OTOG: variants seen among roughly 807,000 people sequenced by gnomAD.
OTOG encodes the protein otogelin.
Under a neutral mutation model 313.8 loss-of-function variants are expected in OTOG, and 296 were observed. That is an observed-to-expected ratio of 0.94 (90% confidence interval 0.86 to 1.04). The LOEUF is 1.04. Ranked by LOEUF, OTOG falls within the 50% of genes least tolerant of loss-of-function variation. OTOG has a pLI of 0.00. For missense variants in OTOG, 3,948 were observed against 3,840.1 expected, an observed-to-expected ratio of 1.03 and a Z score of -0.74; for synonymous variants, 1,533 against 1,554.9, an observed-to-expected ratio of 0.99 and a Z score of 0.33.
At chr11:17,609,283 C>T (rs1325368595) in intron 35 of OTOG, 74 bp downstream of exon 35, 7 of 1,341,556 alleles carry the variant, frequency 5.2e-6, no homozygotes, top group Non-Finnish European at 7.3e-6. Context: ...GCAGTCATGC[C>T]TCAAAGCTCC....
chr11:17,587,004 G>T (rs1852809715), intron 24 of OTOG, among the ~76,000 whole-genome samples: 1 of 152,206 alleles, frequency 6.6e-6, no homozygotes, highest in Non-Finnish European at 1.5e-5. Context: ...TATGTAGACA[G>T]GTGTGTTTAT....
intron 40 of OTOG, 42 bp from the exon 41 acceptor site, chr11:17,631,660 T>C: frequency 6.8e-7 from 1 of 1,462,956 alleles, no homozygotes; most frequent in Non-Finnish European, 9.3e-7. Context: ...ATGGGAGTGG[T>C]AGTGATGATC....
At position 17,611,302 on chromosome 11, in the gene OTOG, A is replaced by C. The variant is rs1356037218; in HGVS notation, c.6002A>C (p.Glu2001Ala). Residue 2001 changes from glutamate to alanine, a missense_variant, in exon 36 of 56, where the codon GAG (glutamate) becomes GCG (alanine). By Grantham distance (107) the Glu-to-Ala change is moderately radical. Coordinates refer to ENST00000399397, the MANE Select transcript of OTOG (RefSeq NM_001292063.2). ...GTSAGPHLAA[E>A]PVDEATTEPS... The stretch of plus-strand genomic sequence containing the variant: ...TCGGCAGGGCCTCACCTGGCAGCAG[A>C]GCCGGTGGACGAGGCCACCACAGAA... The C allele has an allele frequency of 6.4e-7, 1 of 1,550,490 alleles. No homozygotes were observed. Among genetic ancestry groups the C allele is most frequent in the East Asian group, 2.4e-5 (1 of 40,882 alleles).
chr11:17,576,705 G>A (rs1852535895), intron 21 of OTOG, 75 bp downstream of exon 21: 1 of 1,470,444 alleles, frequency 6.8e-7, no homozygotes, highest in Non-Finnish European at 9.3e-7. Flanking sequence ...TGCAGCTGAT[G>A]GAACTTTCTG....
intron 44 of OTOG, 140 bp downstream of exon 44, chr11:17,634,421 G>A: frequency 1.1e-6 from 1 of 949,386 alleles, no homozygotes. Flanking sequence ...GAGGAGGGGA[G>A]AACCCTCCCT....
At chr11:17,631,126 C>T (rs1394478999) in intron 40 of OTOG, among the ~76,000 whole-genome samples, 1 of 152,118 alleles carries the variant, frequency 6.6e-6, no homozygotes, top group Non-Finnish European at 1.5e-5. Context: ...GGGACTCAAT[C>T]GGATGATCTC....
chr11:17,622,364 G>C (rs1430353335), intron 39 of OTOG, among the ~76,000 whole-genome samples: 1 of 152,026 alleles, frequency 6.6e-6, no homozygotes, highest in Non-Finnish European at 1.5e-5. Flanking sequence ...TTTATCCTTT[G>C]TGTTACGAAC....
chr11:17,639,544 C>T lies in OTOG; in HGVS notation c.7935+81C>T, dbSNP rs538821998. 4.7e-5 allele frequency: 66 copies of T among 1,416,670 alleles called. No homozygotes were observed. In the African/African-American group the frequency reaches 7.2e-4, roughly 16 times the overall value. The allele number at this position is 1,416,670 out of a possible 1,614,324, so 87.8% of individuals were successfully genotyped here. A position where few individuals can be genotyped will look rare whatever the true frequency, so the allele number is the denominator to read the frequency against. ...TCTATCCCCTCCTCTAGAGAATCTG[C>T]TCCTTTAATCTAGTGCAAGGAACCC... is the stretch of plus-strand genomic sequence containing the variant. On this transcript the variant is annotated intron_variant, in intron 49 of 55. Coordinates refer to ENST00000399397, the MANE Select transcript of OTOG (RefSeq NM_001292063.2).
chr11:17,601,483 G>A (rs1367052160), intron 31 of OTOG, among the ~76,000 whole-genome samples: 3 of 152,134 alleles, frequency 2.0e-5, no homozygotes, highest in African/African-American at 7.2e-5. Context: ...CAGGGCGTGG[G>A]GGGAGTGGGG....
At chr11:17,613,366 TTCCTTCC>T (rs1853641522) in intron 38 of OTOG, among the ~76,000 whole-genome samples, 1 of 98,528 alleles carries the variant, frequency 1.0e-5, no homozygotes, top group Non-Finnish European at 2.4e-5. Context: ...CCTTCCTTCC[TTCCTTCC>T]CTCCTTCCTT....
Position 17,640,945 on chromosome 11 carries a change from G to A in OTOG, c.8044G>A (p.Gly2682Ser). 6.5e-7 allele frequency: 1 copy of A among 1,548,310 alleles called. No homozygotes were observed. The highest frequency in any genetic ancestry group is 2.4e-5 in the East Asian group (1 of 40,918). Residue 2682 changes from glycine to serine, a missense_variant, in exon 51 of 56, where the codon GGT becomes AGT. By Grantham distance (56) the Gly-to-Ser change is moderately conservative. Transcript: ENST00000399397. ...KAPVCLSREL[G>S]VMQPGQTVVE... Reference sequence around the variant, plus strand: ...CCCGGTGTGTCTGAGCCGCGAGCTGGGTGTGATGCAGCCCGGCCAGACAGT... The same window carrying A: ...CCCGGTGTGTCTGAGCCGCGAGCTGAGTGTGATGCAGCCCGGCCAGACAGT...
chr11:17,564,542 A>T (rs1490273115), intron 15 of OTOG, among the ~76,000 whole-genome samples: 1 of 152,188 alleles, frequency 6.6e-6, no homozygotes, highest in African/African-American at 2.4e-5. Flanking sequence ...ATGCAGAAGG[A>T]CTTGGCAACT....
At chr11:17,623,131 A>C (rs1441392465) in intron 39 of OTOG, among the ~76,000 whole-genome samples, 1 of 152,048 alleles carries the variant, frequency 6.6e-6, no homozygotes. Context: ...TGCCATTTGG[A>C]TGTCTTATTT....
At chr11:17,560,351 G>A (rs1303103406) in intron 12 of OTOG, among the ~76,000 whole-genome samples, 5 of 152,136 alleles carry the variant, frequency 3.3e-5, no homozygotes, top group African/African-American at 1.2e-4. Flanking sequence ...AAAAATACAG[G>A]AATTCAGAAT....
chr11:17,632,296 G>A, intron 42 of OTOG, 70 bp downstream of exon 42: 3 of 1,468,348 alleles, frequency 2.0e-6, no homozygotes, highest in Admixed American at 2.2e-5. Flanking sequence ...GTGGGAAAAG[G>A]CTCCCGGCCC....
At chr11:17,588,940 A>T (rs545322345) in intron 24 of OTOG, among the ~76,000 whole-genome samples, 1 of 152,024 alleles carries the variant, frequency 6.6e-6, no homozygotes, top group Non-Finnish European at 1.5e-5. Flanking sequence ...CTCATCCATG[A>T]TCCCTACCAC....
chr11:17,627,637 A>C (rs1042717836), intron 39 of OTOG, among the ~76,000 whole-genome samples: 1 of 152,080 alleles, frequency 6.6e-6, no homozygotes, highest in Non-Finnish European at 1.5e-5. Context: ...CTCCTTCTCT[A>C]ATAGTGTGAG....
Position 17,645,956 on chromosome 11 carries a change from C to A in OTOG, c.*12C>A. 1.3e-6 allele frequency: 2 copies of A among 1,547,152 alleles called. No individual in the cohort carries two copies. The highest frequency in any genetic ancestry group is 1.7e-6 in the Non-Finnish European group (2 of 1,146,858). ...GCCAGTGGTCCTGAGGCCTGGGGGC[C>A]CGGGCTAGCTGGACCACCTCTGCCA... is the stretch of plus-strand genomic sequence containing the variant. On this transcript the variant is annotated 3_prime_UTR_variant, in exon 56 of 56. Transcript: ENST00000399397.
chr11:17,563,557 G>T (rs2134013988), intron 15 of OTOG, among the ~76,000 whole-genome samples: 1 of 152,320 alleles, frequency 6.6e-6, no homozygotes, highest in Admixed American at 6.5e-5. Context: ...CTCAAAAGTG[G>T]GGTCATTCCC....
Sources: allele counts gnomAD v4.1 joint callset (sites outside exome capture counted in the v4.1 genomes callset), GRCh38; gene constraint gnomAD v4.1.1; transcripts MANE v1.5; gene names NCBI Gene and HGNC (gene_info 2026-07-23, HGNC 2026-07-21).